The following ZNF44 variants were observed in gnomAD, a reference collection of about 807,000 sequenced individuals.
The protein encoded by ZNF44 is gonadotropin inducible transcription repressor-2.
A neutral mutation model predicts 11.7 loss-of-function variants in ZNF44; 9 were observed. The ratio of observed to expected loss-of-function variants is 0.77; its 90% CI spans 0.46 to 1.35. The LOEUF (loss-of-function observed/expected upper bound fraction) is 1.35, where lower values mean the gene tolerates loss of function less well. Ranked by LOEUF, ZNF44 falls within the 40% of genes most tolerant of loss-of-function variation. The pLI, the probability that ZNF44 is intolerant of heterozygous loss-of-function variation, is 0.00. For synonymous variants in ZNF44, 224 were observed against 242.7 expected (o/e 0.92, Z 0.72); for missense variants, 696 against 743.1 (o/e 0.94, Z 0.74).
At chr19:12,288,773 T>A (rs1229392662) in intron 1 of ZNF44, among the ~76,000 whole-genome samples, 3 of 55,998 alleles carry the variant, frequency 5.4e-5, no homozygotes, top group African/African-American at 1.2e-4. Context: ...AAAAAAAAAA[T>A]GTATATATAT....
Position 12,273,537 on chromosome 19 carries a change from A to G in ZNF44, c.718T>C (p.Tyr240His), listed in dbSNP as rs775223578. Residue 240 changes from tyrosine to histidine, a missense_variant, in exon 4 of 4, where the codon TAT becomes CAT. Tyr to His is a moderately conservative substitution (Grantham distance 83). Transcript: ENST00000355684. ...CSKAFPVYSSYLRHEKIHTGE... is the reference protein window; with the variant it reads ...CSKAFPVYSSHLRHEKIHTGE... ...GTGTGTATTTTTTCATGTCTTAGAT[A>G]GGAACTGTAAACAGGGAAGGCTTTA... is the stretch of plus-strand genomic sequence containing the variant. The G allele has an allele frequency of 2.5e-6, 4 of 1,614,092 alleles. No homozygotes were observed. The highest frequency in any genetic ancestry group is 4.5e-5 in the East Asian group (2 of 44,872).
At chr19:12,259,413 A>C (rs903184368) in intron 5 of ZNF44, among the ~76,000 whole-genome samples, 7 of 152,210 alleles carry the variant, frequency 4.6e-5, no homozygotes, top group African/African-American at 1.7e-4. Flanking sequence ...CAGATGTTAA[A>C]ATTCAGAACC....
intron 1 of ZNF44, among the ~76,000 whole-genome samples, chr19:12,286,860 G>A (rs1322724506): frequency 6.6e-6 from 1 of 151,668 alleles, no homozygotes; most frequent in Non-Finnish European, 1.5e-5. Context: ...CTGAGGCAGA[G>A]GTTGCAGTGA....
At chr19:12,257,515 T>C (rs552482111) in intron 5 of ZNF44, among the ~76,000 whole-genome samples, 13 of 150,982 alleles carry the variant, frequency 8.6e-5, no homozygotes, top group Non-Finnish European at 1.8e-4. Context: ...TGGCCAGGCG[T>C]GGTGGCTCGT....
chr19:12,282,352 A>G (rs1967506450), intron 1 of ZNF44, among the ~76,000 whole-genome samples: 1 of 152,094 alleles, frequency 6.6e-6, no homozygotes, highest in Non-Finnish European at 1.5e-5. Context: ...CTCCCTGCCA[A>G]GATAAAGAAG....
At position 12,256,384 on chromosome 19, in the gene ZNF44, G is replaced by A. The variant is rs1012734945; in HGVS notation, c.1913-6016C>T. 4.2e-4 allele frequency among the ~76,000 whole-genome samples: 64 copies of A among 152,020 alleles called. 1 individual carries two copies. The highest frequency in any genetic ancestry group is 2.1e-4 in the South Asian group (1 of 4,826). On this transcript the variant is annotated intron_variant and NMD_transcript_variant, in intron 5 of 7. Coordinates refer to the ZNF44 transcript ENST00000393337. ...TATGCCTGTAATCCCAGCTACTCAG[G>A]AGGCTGAGGCAGGGGAATTGCTGGA...
At position 12,275,817 on chromosome 19, in the gene ZNF44, G is replaced by A. The variant is rs1172706612; in HGVS notation, c.130+139C>T. The A allele has an allele frequency of 7.2e-6, 8 of 1,113,398 alleles. No individual in the cohort carries two copies. The East Asian group carries it at 2.4e-4, about 34-fold the overall frequency. The allele number at this position is 1,113,398 out of a possible 1,614,324, so 69.0% of individuals were successfully genotyped here. On this transcript the variant is annotated intron_variant, in intron 2 of 3. Coordinates refer to ENST00000355684, the MANE Select transcript of ZNF44 (RefSeq NM_016264.4). ...AAGATTATATGAGGACATACAACAG[G>A]TTGGGGCCTGGCACTTCACCCTGTG...
chr19:12,233,926 G>A (rs1003697342), intron 2 of ZNF44, among the ~76,000 whole-genome samples: 3 of 152,114 alleles, frequency 2.0e-5, no homozygotes, highest in African/African-American at 7.2e-5. Context: ...GCCGGGCATG[G>A]TGGCGGGCAC....
At chr19:12,254,408 G>C (rs936861394) in intron 5 of ZNF44, among the ~76,000 whole-genome samples, 1 of 152,094 alleles carries the variant, frequency 6.6e-6, no homozygotes, top group Non-Finnish European at 1.5e-5. Flanking sequence ...TTAAAAAGCA[G>C]CCCTCAAAAT....
chr19:12,264,826 G>C (rs1917661552), intron 5 of ZNF44, among the ~76,000 whole-genome samples: 1 of 152,048 alleles, frequency 6.6e-6, no homozygotes, highest in Admixed American at 6.6e-5. Flanking sequence ...CTCCAAAATA[G>C]GTGGGACCAC....
chr19:12,227,334 C>T (rs988196000), intron 3 of ZNF44, among the ~76,000 whole-genome samples: 16 of 152,286 alleles, frequency 1.1e-4, no homozygotes, highest in African/African-American at 3.8e-4. Context: ...GGCGTGGTGG[C>T]TGATGCCTGT....
chr19:12,281,928 C>A (rs1967491165), intron 1 of ZNF44, among the ~76,000 whole-genome samples: 1 of 152,174 alleles, frequency 6.6e-6, no homozygotes. Flanking sequence ...AGAACGATTT[C>A]ACTGCTGAAT....
chr19:12,244,795 G>A (rs60070602), downstream of ZNF44: 1 of 152,138 alleles, frequency 6.6e-6, no homozygotes, highest in African/African-American at 2.4e-5. Flanking sequence ...AGAACTATTA[G>A]AATTTTCCAA....
chr19:12,260,831 A>G (rs1353429236), intron 5 of ZNF44, among the ~76,000 whole-genome samples: 1 of 152,196 alleles, frequency 6.6e-6, no homozygotes, highest in Admixed American at 6.5e-5. Flanking sequence ...ATGTGCTCCC[A>G]GTAAGCAGCA....
chr19:12,285,153 A>T (rs1408680188), intron 1 of ZNF44: 3 of 584,424 alleles, frequency 5.1e-6, no homozygotes, highest in Non-Finnish European at 9.1e-6. Flanking sequence ...CTCTGTGCAG[A>T]GGACCCAGGC....
At chr19:12,241,999 C>T (rs1411337888), upstream of ZNF44, among the ~76,000 whole-genome samples, 5 of 151,994 alleles carry the variant, frequency 3.3e-5, no homozygotes, top group Non-Finnish European at 5.9e-5. Context: ...TCAGCAAATT[C>T]ATAGAGCAAG....
chr19:12,257,887 C>T (rs1917328286), intron 5 of ZNF44, among the ~76,000 whole-genome samples: 2 of 151,350 alleles, frequency 1.3e-5, no homozygotes, highest in Non-Finnish European at 2.9e-5. Context: ...AGAAGAATCA[C>T]TTGAACCCGG....
intron 5 of ZNF44, chr19:12,250,508 T>C: frequency 1.4e-6 from 1 of 713,200 alleles, no homozygotes. Context: ...GAACTCTAAC[T>C]CTTTGGCCAC....
chr19:12,273,696 G>C lies in ZNF44; in HGVS notation c.559C>G (p.His187Asp). The C allele has an allele frequency of 6.2e-7, 1 of 1,614,144 alleles. No individual in the cohort carries two copies. Among genetic ancestry groups the C allele is most frequent in the East Asian group, 2.2e-5 (1 of 44,876 alleles). ...TFSSPGNLRR[H>D]MVVKGGDGPY... is the part of the protein sequence containing the mutation. ...CCATCTCCACCTTTTACTACCATAT[G>C]TCTTCGAAGGTTTCCAGGAGAACTG... The change falls in exon 4 of 4, where the codon CAT (histidine) becomes GAT (aspartate). Residue 187 changes from histidine (H) to aspartate (D), a missense_variant. Coordinates refer to ENST00000355684, the MANE Select transcript of ZNF44 (RefSeq NM_016264.4).
Sources: allele counts gnomAD v4.1 joint callset (sites outside exome capture counted in the v4.1 genomes callset), GRCh38; gene constraint gnomAD v4.1.1; transcripts MANE v1.5; gene names NCBI Gene and HGNC (gene_info 2026-07-23, HGNC 2026-07-21).